The following CCDC88C variants were observed in gnomAD, a reference collection of about 807,000 sequenced individuals.
The protein encoded by CCDC88C is coiled-coil and HOOK domain protein 88C, also known as protein Daple.
Under a neutral mutation model 198.8 loss-of-function variants are expected in CCDC88C, and 131 were observed. The ratio of observed to expected loss-of-function variants is 0.66; its 90% confidence interval spans 0.57 to 0.76. CCDC88C has a LOEUF of 0.76. Among genes scored for constraint, CCDC88C ranks in the 30% least tolerant of loss-of-function variants. The pLI is 0.00. For synonymous variants in CCDC88C, 1,166 were observed against 1,114.7 expected, an observed-to-expected ratio of 1.05 and a Z score of -0.92; for missense variants, 2,553 against 2,631.6, an observed-to-expected ratio of 0.97 and a Z score of 0.65.
chr14:91,271,411 G>A lies in CCDC88C; in HGVS notation c.*1214C>T, dbSNP rs1294628391. 6.6e-6 allele frequency: 1 copy of A among 151,838 alleles called. No homozygotes were observed. The highest frequency in any genetic ancestry group is 1.5e-5 in the Non-Finnish European group (1 of 67,974). 9.4% of individuals were successfully genotyped at this position (151,838 alleles called of 1,614,324 possible). A position where few individuals can be genotyped will look rare whatever the true frequency, so the allele number is the denominator to read the frequency against. ...ACACAACCCCAAACACTCCTAAAAT[G>A]GATCTTGTTAACATTCAAAAGTCTC... On this transcript the variant is annotated 3_prime_UTR_variant, in exon 30 of 30. Transcript: ENST00000389857.
chr14:91,414,983 G>C (rs1001824259), intron 2 of CCDC88C, among the ~76,000 whole-genome samples: 1 of 152,166 alleles, frequency 6.6e-6, no homozygotes, highest in Non-Finnish European at 1.5e-5. Flanking sequence ...AGTGGGAAAC[G>C]CTTCAGGAAT....
At chr14:91,281,548 G>A in intron 26 of CCDC88C, 23 bp from the exon 27 acceptor site, 1 of 1,610,586 alleles carries the variant, frequency 6.2e-7, no homozygotes, top group East Asian at 2.2e-5. Context: ...TAAGGCTAGT[G>A]AGTCATGGTT....
At position 91,313,931 on chromosome 14, in the gene CCDC88C, G is replaced by A. The variant is rs373032669; in HGVS notation, c.1885C>T (p.Arg629Trp). 1.1e-4 allele frequency: 177 copies of A among 1,612,652 alleles called. No individual in the cohort carries two copies. The highest frequency in any genetic ancestry group is 3.8e-4 in the Admixed American group (23 of 59,978). Residue 629 changes from arginine (R) to tryptophan (W), a missense_variant, in exon 15 of 30, where the codon CGG becomes TGG. Transcript: ENST00000389857. The surrounding 1 kb of genome is among the most constrained non-coding windows in gnomAD (Gnocchi z 5.2). Reference protein sequence around the residue: ...DLEQAKEKGERAEKLERELQR... With the variant: ...DLEQAKEKGEWAEKLERELQR... ...AGCTCCCTCTCCAGCTTCTCTGCCCGCTCCCCCTTCTCCTTGGCCTGCTCC... is the reference window on the plus strand; with the variant it reads ...AGCTCCCTCTCCAGCTTCTCTGCCCACTCCCCCTTCTCCTTGGCCTGCTCC...
intron 4 of CCDC88C, among the ~76,000 whole-genome samples, chr14:91,351,075 G>A (rs1893762993): frequency 1.3e-5 from 2 of 152,186 alleles, no homozygotes; most frequent in South Asian, 2.1e-4. Context: ...TTTAACCAGC[G>A]TTTGCTGACT....
At chr14:91,403,093 C>G (rs1431094058) in intron 3 of CCDC88C, among the ~76,000 whole-genome samples, 1 of 152,200 alleles carries the variant, frequency 6.6e-6, no homozygotes, top group Non-Finnish European at 1.5e-5. Flanking sequence ...GGAGGGCACT[C>G]AGGAGGCTCA....
chr14:91,348,834 T>A (rs116277737), intron 4 of CCDC88C, among the ~76,000 whole-genome samples: 1 of 152,098 alleles, frequency 6.6e-6, no homozygotes, highest in Admixed American at 6.6e-5. Context: ...TGAAGCAGAG[T>A]GATGCTTGCT....
intron 2 of CCDC88C, among the ~76,000 whole-genome samples, chr14:91,411,010 T>G (rs1886760681): frequency 6.6e-6 from 1 of 152,178 alleles, no homozygotes; most frequent in African/African-American, 2.4e-5. Context: ...CCTGCTATTG[T>G]TCTCCCCAGT....
intron 29 of CCDC88C, among the ~76,000 whole-genome samples, chr14:91,275,173 T>TG (rs1889901583): frequency 6.6e-6 from 1 of 152,156 alleles, no homozygotes; most frequent in Non-Finnish European, 1.5e-5. Context: ...CAGAGGGGGC[T>TG]GGCTCGCTGC....
At chr14:91,306,899 C>G in intron 18 of CCDC88C, 139 bp downstream of exon 18, 1 of 898,684 alleles carries the variant, frequency 1.1e-6, no homozygotes, top group Non-Finnish European at 1.6e-6. Context: ...ACAGGACCTG[C>G]AACTCAAGAC....
At chr14:91,308,600 G>T in intron 16 of CCDC88C, 108 bp from the exon 17 acceptor site, 1 of 1,160,826 alleles carries the variant, frequency 8.6e-7, no homozygotes, top group Non-Finnish European at 1.2e-6. Context: ...GGGTTACGGA[G>T]CTGCTGCAGC....
In CCDC88C at chr14:91,273,904, A is replaced by C. The variant is rs899438095; in HGVS notation, c.5059-251T>G. Among the ~76,000 whole-genome samples the C allele has an allele frequency of 1.9e-4, 29 of 152,258 alleles. No individual in the cohort carries two copies. The highest frequency in any genetic ancestry group is 7.0e-4 in the African/African-American group (29 of 41,560). On this transcript the variant is annotated intron_variant, in intron 29 of 29. Transcript: ENST00000389857. The surrounding 1 kb of genome is among the most constrained non-coding windows in gnomAD (Gnocchi z 5.6). ...CCCCCAGGCAACCCCCTAACTTTAC[A>C]GATAAGGAAACAGACCCAGAGAGGG...
intron 4 of CCDC88C, among the ~76,000 whole-genome samples, chr14:91,357,700 G>A (rs1391281887): frequency 1.3e-5 from 2 of 152,230 alleles, no homozygotes; most frequent in Non-Finnish European, 2.9e-5. Flanking sequence ...AACTAGGAAG[G>A]TGGCAGAGTT....
At position 91,309,943 on chromosome 14, in the gene CCDC88C, T is replaced by C; in HGVS notation, c.2780A>G (p.Glu927Gly). ...CAGTTCCTGGCTCAGCTTGTCCAGC[T>C]CACTGCTGAGCTGCTGGCTCTTCAG... ...EKLKSQQLSS[E>G]LDKLSQELEK... Residue 927 changes from glutamate (E) to glycine (G), a missense_variant, in exon 16 of 30, where the codon GAG (glutamate) becomes GGG (glycine). Coordinates refer to ENST00000389857, the MANE Select transcript of CCDC88C (RefSeq NM_001080414.4). 6.2e-7 allele frequency: 1 copy of C among 1,606,128 alleles called. No homozygotes were observed. The highest frequency in any genetic ancestry group is 8.5e-7 in the Non-Finnish European group (1 of 1,176,414).
chr14:91,390,097 A>T (rs563658339), intron 3 of CCDC88C, among the ~76,000 whole-genome samples: 5 of 140,876 alleles, frequency 3.5e-5, no homozygotes, highest in Admixed American at 7.0e-5. Context: ...GAAAAAGGAT[A>T]AAAAAAAAAA....
intron 23 of CCDC88C, among the ~76,000 whole-genome samples, chr14:91,293,528 A>G (rs71415443): frequency 0.11 from 507 of 4,534 alleles, 59 homozygotes; most frequent in Middle Eastern, 0.29. Context: ...CTGTCCCCTC[A>G]CCTGCCACGG....
At chr14:91,317,518 G>A (rs1892151934) in intron 13 of CCDC88C, among the ~76,000 whole-genome samples, 1 of 152,230 alleles carries the variant, frequency 6.6e-6, no homozygotes, top group African/African-American at 2.4e-5. Context: ...CACCCTCTAC[G>A]TGTCAGACTC....
Position 91,273,631 on chromosome 14 carries a change from T to C in CCDC88C, c.5081A>G (p.Asp1694Gly), listed in dbSNP as rs1400511516. The change falls in exon 30 of 30, where the codon GAC (aspartate) becomes GGC (glycine). Residue 1694 changes from aspartate to glycine, a missense_variant. Transcript: ENST00000389857. The surrounding 1 kb of genome is among the most constrained non-coding windows in gnomAD (Gnocchi z 5.6). ...CTTTCGGAAGTAGTCACTCAGCAGG[T>C]CATCCCGGCAACTGGGAGTGTCCTA... ...PTHDTPSCRD[D>G]LLSDYFRKAS... The C allele has an allele frequency of 6.7e-7, 1 of 1,482,166 alleles. No individual in the cohort carries two copies. Among genetic ancestry groups the C allele is most frequent in the East Asian group, 2.4e-5 (1 of 41,598 alleles). The allele number at this position is 1,482,166 out of a possible 1,614,324, so 91.8% of individuals were successfully genotyped here. A position where few individuals can be genotyped will look rare whatever the true frequency, so the allele number is the denominator to read the frequency against.
intron 11 of CCDC88C, 27 bp from the exon 12 acceptor site, chr14:91,324,950 G>A: frequency 1.2e-6 from 2 of 1,612,498 alleles, no homozygotes; most frequent in Non-Finnish European, 1.7e-6. Flanking sequence ...GAGGCAAGAA[G>A]TGAGGCTGCA....
At chr14:91,354,702 C>T (rs547717835) in intron 4 of CCDC88C, among the ~76,000 whole-genome samples, 15 of 152,076 alleles carry the variant, frequency 9.9e-5, no homozygotes, top group Non-Finnish European at 7.4e-5. Flanking sequence ...AGGTGGGCCC[C>T]CTGCATGGAT....
Sources: allele counts gnomAD v4.1 joint callset (sites outside exome capture counted in the v4.1 genomes callset), GRCh38; gene constraint gnomAD v4.1.1; non-coding constraint Gnocchi (gnomAD v3.1); transcripts MANE v1.5; gene names NCBI Gene and HGNC (gene_info 2026-07-23, HGNC 2026-07-21).